CAST: variants seen among roughly 807,000 people sequenced by gnomAD.
CAST encodes calpastatin, also known as MIR583 host.
CAST carries 76 observed loss-of-function variants against 119.6 expected under a neutral mutation model. The ratio of observed to expected loss-of-function variants is 0.64; its 90% CI spans 0.53 to 0.77. CAST has a LOEUF of 0.77. Among genes scored for constraint, CAST ranks in the 30% least tolerant of loss-of-function variants. The pLI, the probability that CAST is intolerant of heterozygous loss-of-function variation, is 0.00. For synonymous variants in CAST, 319 were observed against 331.6 expected (o/e 0.96, Z 0.41); for missense variants, 953 against 946.5 (o/e 1.01, Z -0.09).
At chr5:96,286,515 G>A in the CAST span, among the ~76,000 whole-genome samples, 11,357 of 152,218 alleles carry the variant, frequency 0.075, 632 homozygotes, top group East Asian at 0.21. Context: ...GATATGGACC[G>A]TGTTGTGACT....
At chr5:96,636,958 C>A (rs1242053005) in intron 1 of CAST, among the ~76,000 whole-genome samples, 1 of 149,294 alleles carries the variant, frequency 6.7e-6, no homozygotes, top group Non-Finnish European at 1.5e-5. Flanking sequence ...GCAGCTTCAG[C>A]AGATCCTGGC....
chr5:96,608,361 T>C (rs1312093020), intron 1 of CAST, among the ~76,000 whole-genome samples: 4 of 152,292 alleles, frequency 2.6e-5, no homozygotes, highest in Non-Finnish European at 5.9e-5. Flanking sequence ...CTCTGAGAGC[T>C]TGTTTCCTTA....
the CAST span, among the ~76,000 whole-genome samples, chr5:96,326,695 A>ATTTTTTTTTTTT: frequency 1.0e-4 from 10 of 95,732 alleles, no homozygotes; most frequent in Non-Finnish European, 1.4e-4. Context: ...ATGGCTTTTC[A>ATTTTTTTTTTTT]TTTTTTTTTT....
chr5:96,608,053 T>G (rs1747293595), intron 1 of CAST, among the ~76,000 whole-genome samples: 1 of 152,148 alleles, frequency 6.6e-6, no homozygotes, highest in Non-Finnish European at 1.5e-5. Flanking sequence ...ACACCAGAAC[T>G]TATTGCTCCT....
At chr5:96,520,064 C>A in the CAST span, among the ~76,000 whole-genome samples, 10 of 152,208 alleles carry the variant, frequency 6.6e-5, no homozygotes, top group African/African-American at 2.4e-4. Flanking sequence ...CAACAAAGCA[C>A]CCTGATGTCC....
At chr5:96,736,466 CA>C (rs1761667975) in intron 10 of CAST, among the ~76,000 whole-genome samples, 1 of 151,884 alleles carries the variant, frequency 6.6e-6, no homozygotes, top group Non-Finnish European at 1.5e-5. Context: ...AAAAAACAAA[CA>C]AACTCCAGTT....
intron 1 of CAST, among the ~76,000 whole-genome samples, chr5:96,614,770 T>C (rs563360393): frequency 6.6e-6 from 1 of 152,212 alleles, no homozygotes; most frequent in Admixed American, 6.5e-5. Flanking sequence ...TATATATATA[T>C]AGTTGAATTA....
At chr5:96,050,259 A>AG in the CAST span, 1 of 152,368 alleles carries the variant, frequency 6.6e-6, no homozygotes. Flanking sequence ...CTTGGCTGTG[A>AG]GGGGAAAAGA....
chr5:96,684,368 C>T (rs1274819465), intron 2 of CAST, among the ~76,000 whole-genome samples: 3 of 152,030 alleles, frequency 2.0e-5, no homozygotes, highest in South Asian at 2.1e-4. Flanking sequence ...AGGTGAGTCT[C>T]GTATTGATGT....
the CAST span, among the ~76,000 whole-genome samples, chr5:95,992,416 TTTTC>T: frequency 6.6e-6 from 1 of 152,134 alleles, no homozygotes; most frequent in East Asian, 1.9e-4. Context: ...CTTTTTTTTT[TTTTC>T]CTTGAAAACC....
chr5:96,059,576 G>A, the CAST span, among the ~76,000 whole-genome samples: 1 of 152,072 alleles, frequency 6.6e-6, no homozygotes, highest in Non-Finnish European at 1.5e-5. Flanking sequence ...CTTAAGACCT[G>A]TGGCTTCCTG....
chr5:96,489,451 A>G, the CAST span, among the ~76,000 whole-genome samples: 1 of 152,216 alleles, frequency 6.6e-6, no homozygotes, highest in African/African-American at 2.4e-5. Context: ...ATAATCGTGT[A>G]TAATTCTCTA....
the CAST span, among the ~76,000 whole-genome samples, chr5:96,145,693 G>A: frequency 0.33 from 50,062 of 152,048 alleles, 8,454 homozygotes; most frequent in Middle Eastern, 0.38. Context: ...AAAAGTGAAT[G>A]TTTGATTCTC....
chr5:96,672,837 T>C (rs983354732), intron 1 of CAST, among the ~76,000 whole-genome samples: 2 of 152,210 alleles, frequency 1.3e-5, no homozygotes, highest in Non-Finnish European at 2.9e-5. Flanking sequence ...GGCTTTCTAT[T>C]GTGAGCAACT....
chr5:96,521,898 C>G (rs1745524298), upstream of CAST, among the ~76,000 whole-genome samples: 1 of 152,162 alleles, frequency 6.6e-6, no homozygotes, highest in Non-Finnish European at 1.5e-5. Context: ...GCAGGCAGAT[C>G]ATGAGGTCAG....
chr5:96,589,691 A>G (rs1420158825), intron 1 of CAST, among the ~76,000 whole-genome samples: 1 of 152,250 alleles, frequency 6.6e-6, no homozygotes, highest in Non-Finnish European at 1.5e-5. Context: ...CTTTAATAGC[A>G]TAACTTCTCT....
the CAST span, among the ~76,000 whole-genome samples, chr5:96,472,633 A>AT: frequency 6.6e-6 from 1 of 152,196 alleles, no homozygotes; most frequent in Non-Finnish European, 1.5e-5. Flanking sequence ...AAGGCAGCCA[A>AT]TTGTTTCCTC....
At chr5:96,425,021 AAAG>A in the CAST span, among the ~76,000 whole-genome samples, 29 of 63,560 alleles carry the variant, frequency 4.6e-4, no homozygotes, top group Admixed American at 1.8e-3. Flanking sequence ...AGAAAGAAAG[AAAG>A]AAAGAAAGAA....
At chr5:96,720,747 A>G (rs186842434) in intron 3 of CAST, among the ~76,000 whole-genome samples, 2 of 152,368 alleles carry the variant, frequency 1.3e-5, no homozygotes, top group East Asian at 1.9e-4. Context: ...ATTGTTTAAT[A>G]AAGTAACAAG....
Sources: gnomAD v4.1 joint callset for allele counts (sites outside exome capture counted in the v4.1 genomes callset) on GRCh38, gnomAD v4.1.1 for gene constraint, MANE v1.5 for transcripts, NCBI Gene and HGNC (gene_info 2026-07-23, HGNC 2026-07-21) for gene names.